GABRR3: variants seen among roughly 807,000 people sequenced by gnomAD.
GABRR3 encodes gamma-aminobutyric acid receptor subunit rho-3.
Under a neutral mutation model 43.2 loss-of-function variants are expected in GABRR3, and 29 were observed. That is an observed-to-expected ratio of 0.67 (90% confidence interval 0.50 to 0.92). GABRR3 has a LOEUF of 0.92. Among genes scored for constraint, GABRR3 ranks in the 40% least tolerant of loss-of-function variants. The probability of loss-of-function intolerance (pLI) is 0.00; values close to 1 mark genes in which losing one functional copy is unlikely to be tolerated. For missense variants in GABRR3, 576 were observed against 572.3 expected (o/e 1.01, Z -0.07); for synonymous variants, 206 against 195.9 (o/e 1.05, Z -0.43).
chr3:98,016,539 C>A (rs2107242366), intron 4 of GABRR3, among the ~76,000 whole-genome samples: 1 of 152,248 alleles, frequency 6.6e-6, no homozygotes, highest in East Asian at 1.9e-4. Flanking sequence ...ATAAACTGCC[C>A]AGCCTCAGGT....
intron 8 of GABRR3, chr3:97,997,571 T>C (rs531956133): frequency 6.6e-6 from 1 of 152,326 alleles, no homozygotes; most frequent in East Asian, 1.9e-4. Context: ...TCAGGTATAC[T>C]AACAACAGTT....
At chr3:98,006,926 A>G (rs1008803135) in intron 7 of GABRR3, among the ~76,000 whole-genome samples, 2 of 152,138 alleles carry the variant, frequency 1.3e-5, no homozygotes, top group Non-Finnish European at 1.5e-5. Context: ...AATTTTGGAT[A>G]GGTTTTCTGT....
chr3:98,017,697 A>C (rs369171965), exon 4 of GABRR3: 26 of 1,611,166 alleles, frequency 1.6e-5, no homozygotes, highest in Non-Finnish European at 2.1e-5. Context: ...CAACATGGAC[A>C]TCTATACCTA....
Position 98,019,266 on chromosome 3 carries a change from C to T in GABRR3, c.239-1544G>A, listed in dbSNP as rs138238097. 2.9e-3 allele frequency among the ~76,000 whole-genome samples: 445 copies of T among 152,270 alleles called. 8 individuals are homozygous for T. Among genetic ancestry groups the T allele is most frequent in the Admixed American group, 0.027 (405 of 15,282 alleles). Reference sequence around the variant, plus strand: ...GCCTGGATGTGCTACATGGGACAGGCGTGCCTATAATTCGACAGCCCTTTA... The same window carrying T: ...GCCTGGATGTGCTACATGGGACAGGTGTGCCTATAATTCGACAGCCCTTTA... On this transcript the variant is annotated intron_variant, in intron 3 of 9. Coordinates refer to ENST00000621172, the Ensembl canonical transcript of GABRR3.
exon 7 of GABRR3, chr3:98,007,835 T>C (rs1706741553): frequency 5.6e-6 from 9 of 1,612,194 alleles, no homozygotes; most frequent in Non-Finnish European, 6.8e-6. Context: ...AAGGGACATA[T>C]GTTCTTCAGT....
exon 1 of GABRR3, chr3:98,035,270 A>T (rs1249550131): frequency 2.7e-6 from 1 of 375,628 alleles, no homozygotes; most frequent in East Asian, 5.3e-5. Context: ...TTTTCCGGGG[A>T]AGGTTTTTAG....
chr3:98,017,822 TACTGTTA>T, intron 3 of GABRR3, 100 bp from the exon 4 acceptor site: 1 of 798,092 alleles, frequency 1.3e-6, no homozygotes, highest in South Asian at 1.8e-5. Flanking sequence ...GCAACTGAAT[TACTGTTA>T]AAGTTTTTTT....
chr3:98,022,464 C>A (rs1378653573), intron 3 of GABRR3, among the ~76,000 whole-genome samples: 1 of 152,120 alleles, frequency 6.6e-6, no homozygotes, highest in Non-Finnish European at 1.5e-5. Flanking sequence ...AAAGTATGTG[C>A]GTGTGTTTGT....
intron 8 of GABRR3, among the ~76,000 whole-genome samples, chr3:97,995,507 T>C (rs992402600): frequency 1.3e-5 from 2 of 152,110 alleles, no homozygotes; most frequent in Non-Finnish European, 2.9e-5. Flanking sequence ...AAACTATTAA[T>C]CATTTTCTTT....
At chr3:98,013,071 C>G (rs1020868157) in intron 4 of GABRR3, among the ~76,000 whole-genome samples, 1 of 152,130 alleles carries the variant, frequency 6.6e-6, no homozygotes, top group African/African-American at 2.4e-5. Context: ...TAGAGCTATT[C>G]GTGTAAAGCA....
At chr3:98,021,817 G>A (rs1474902976) in intron 3 of GABRR3, among the ~76,000 whole-genome samples, 1 of 152,052 alleles carries the variant, frequency 6.6e-6, no homozygotes, top group Non-Finnish European at 1.5e-5. Flanking sequence ...TATGCAGGCT[G>A]GAATAATGAG....
chr3:98,031,689 A>G (rs954905313), intron 2 of GABRR3, among the ~76,000 whole-genome samples: 1 of 152,102 alleles, frequency 6.6e-6, no homozygotes, highest in Non-Finnish European at 1.5e-5. Flanking sequence ...GTTATAGTGA[A>G]CTATGATTGG....
intron 4 of GABRR3, among the ~76,000 whole-genome samples, chr3:98,015,887 C>T (rs761938658): frequency 2.6e-5 from 4 of 152,116 alleles, no homozygotes; most frequent in Non-Finnish European, 5.9e-5. Context: ...TTTCACACTG[C>T]TATAGAGAAC....
exon 7 of GABRR3, chr3:98,007,902 C>T (rs1267558245): frequency 1.3e-5 from 21 of 1,556,906 alleles, no homozygotes; most frequent in Non-Finnish European, 1.8e-5. Context: ...TCATTGTAGG[C>T]ATCTAAAACA....
At chr3:97,986,921 T>C in exon 10 of GABRR3, 1 of 1,611,924 alleles carries the variant, frequency 6.2e-7, no homozygotes, top group Non-Finnish European at 8.5e-7. Flanking sequence ...AATCTCGCTG[T>C]CATGGTAACA....
At chr3:97,987,396 T>C (rs911588699) in intron 9 of GABRR3, among the ~76,000 whole-genome samples, 4 of 152,248 alleles carry the variant, frequency 2.6e-5, no homozygotes, top group African/African-American at 7.2e-5. Context: ...CAGTGCCTGA[T>C]TGAATCAAAA....
At chr3:97,989,992 A>G (rs1706440805) in intron 9 of GABRR3, among the ~76,000 whole-genome samples, 1 of 152,088 alleles carries the variant, frequency 6.6e-6, no homozygotes, top group Non-Finnish European at 1.5e-5. Flanking sequence ...TACAGGTGTC[A>G]TCTATTAGCC....
intron 4 of GABRR3, among the ~76,000 whole-genome samples, chr3:98,017,208 T>C (rs1418925196): frequency 6.6e-6 from 1 of 152,244 alleles, no homozygotes; most frequent in African/African-American, 2.4e-5. Context: ...TGTCCTCTGC[T>C]ACTGGTTGTC....
At chr3:97,989,207 G>A (rs948573728) in intron 9 of GABRR3, among the ~76,000 whole-genome samples, 1 of 151,248 alleles carries the variant, frequency 6.6e-6, no homozygotes, top group African/African-American at 2.4e-5. Flanking sequence ...GGATGGTGGT[G>A]GTGTTGGTGG....
Sources: allele counts gnomAD v4.1 joint callset (sites outside exome capture counted in the v4.1 genomes callset), GRCh38; gene constraint gnomAD v4.1.1; transcripts MANE v1.5; gene names NCBI Gene and HGNC (gene_info 2026-07-23, HGNC 2026-07-21).